The following GABRG1 variants were observed in gnomAD, a reference collection of about 807,000 sequenced individuals.
GABRG1 encodes the protein gamma-aminobutyric acid type A receptor subunit gamma1, also known as gamma-aminobutyric acid receptor subunit gamma-1.
Under a neutral mutation model 49.8 loss-of-function variants are expected in GABRG1, and 49 were observed. The observed-to-expected ratio is 0.98, with a 90% CI of 0.78 to 1.25. GABRG1 has a LOEUF of 1.25. Ranked by LOEUF, GABRG1 falls within the 50% of genes most tolerant of loss-of-function variation. The probability of loss-of-function intolerance (pLI) is 0.00; values close to 1 mark genes in which losing one functional copy is unlikely to be tolerated. For synonymous variants in GABRG1, 232 were observed against 185.1 expected, an observed-to-expected ratio of 1.25 and a Z score of -2.06; for missense variants, 552 against 552.3, an observed-to-expected ratio of 1.00 and a Z score of 0.01.
intron 2 of GABRG1, among the ~76,000 whole-genome samples, chr4:46,092,259 A>G (rs1720017088): frequency 6.6e-6 from 1 of 152,058 alleles, no homozygotes; most frequent in African/African-American, 2.4e-5. Context: ...ACACCTTAAA[A>G]CAATAATAAT....
intron 1 of GABRG1, among the ~76,000 whole-genome samples, chr4:46,100,165 C>T (rs1193671618): frequency 6.6e-6 from 1 of 151,668 alleles, no homozygotes; most frequent in Non-Finnish European, 1.5e-5. Context: ...TGATTTCCTT[C>T]AAATAATTTC....
At chr4:46,064,234 T>C (rs1005383522) in intron 5 of GABRG1, among the ~76,000 whole-genome samples, 4 of 152,104 alleles carry the variant, frequency 2.6e-5, no homozygotes, top group Non-Finnish European at 4.4e-5. Context: ...AATGTTTTAA[T>C]AAAATATATG....
intron 1 of GABRG1, among the ~76,000 whole-genome samples, chr4:46,117,405 C>G (rs1720931264): frequency 6.7e-6 from 1 of 149,930 alleles, no homozygotes; most frequent in Non-Finnish European, 1.5e-5. Context: ...AATTATATAG[C>G]CTTCAATAGG....
At chr4:46,118,276 ATC>A (rs1560377639) in intron 1 of GABRG1, among the ~76,000 whole-genome samples, 133 of 149,662 alleles carry the variant, frequency 8.9e-4, no homozygotes, top group African/African-American at 3.1e-3. Context: ...CTATCTATCT[ATC>A]TACCTACCTA....
intron 1 of GABRG1, among the ~76,000 whole-genome samples, chr4:46,116,921 C>A (rs1285157129): frequency 2.0e-5 from 3 of 150,504 alleles, no homozygotes; most frequent in Non-Finnish European, 4.5e-5. Flanking sequence ...AACAGGTATT[C>A]TTTACTCAAC....
chr4:46,039,068 T>G lies in GABRG1; in HGVS notation c.*1920A>C, dbSNP rs1207667877. The G allele has an allele frequency of 6.6e-6, 1 of 151,536 alleles. No individual in the cohort carries two copies. The highest frequency in any genetic ancestry group is 2.1e-4 in the South Asian group (1 of 4,832). 9.4% of individuals were successfully genotyped at this position (151,536 alleles called of 1,614,324 possible). On this transcript the variant is annotated 3_prime_UTR_variant, in exon 9 of 9. Coordinates refer to ENST00000295452, the MANE Select transcript of GABRG1 (RefSeq NM_173536.4). ...TAAGCTATAGCTTCAAACATGAAAA[T>G]AGCCATACAATATTTTAGTAAAGTA...
At chr4:46,085,370 C>T (rs1254975229) in intron 2 of GABRG1, among the ~76,000 whole-genome samples, 1 of 151,394 alleles carries the variant, frequency 6.6e-6, no homozygotes, top group African/African-American at 2.4e-5. Flanking sequence ...AGCAGAGATA[C>T]TGAAGTGTTT....
intron 4 of GABRG1, 28 bp downstream of exon 4, chr4:46,065,336 C>T (rs945197222): frequency 5.9e-6 from 8 of 1,364,740 alleles, no homozygotes; most frequent in Non-Finnish European, 7.2e-6. Context: ...TAAATGAGAG[C>T]AACTACAGAT....
At chr4:46,078,651 A>C (rs1216993200) in intron 3 of GABRG1, among the ~76,000 whole-genome samples, 1 of 151,960 alleles carries the variant, frequency 6.6e-6, no homozygotes, top group Non-Finnish European at 1.5e-5. Context: ...AGAATGCTTA[A>C]ATACAAGTTA....
In GABRG1 at chr4:46,088,767, C is replaced by CACA. The variant is rs1448380679; in HGVS notation, c.254-4715_254-4714insTGT. Among the ~76,000 whole-genome samples, 111 of 126,456 alleles carry CACA rather than the reference C, an allele frequency of 8.8e-4. 1 individual carries two copies. The highest frequency in any genetic ancestry group is 4.6e-4 in the Admixed American group (6 of 13,004). The allele number at this position is 126,456 out of a possible 152,430, so 83.0% of individuals were successfully genotyped here. The stretch of plus-strand genomic sequence containing the variant: ...CACACACACACACACACACACACAC[C>CACA]CCATATATCTATATTTAAATGGCAT... On this transcript the variant is annotated intron_variant, in intron 2 of 8. Coordinates refer to ENST00000295452, the MANE Select transcript of GABRG1 (RefSeq NM_173536.4).
intron 3 of GABRG1, among the ~76,000 whole-genome samples, chr4:46,077,548 A>G (rs923997268): frequency 6.6e-6 from 1 of 151,902 alleles, no homozygotes; most frequent in African/African-American, 2.4e-5. Flanking sequence ...TATTTTTATG[A>G]AGAACATCTT....
At chr4:46,084,164 A>T (rs2109423066) in intron 2 of GABRG1, 111 bp from the exon 3 acceptor site, 1 of 621,624 alleles carries the variant, frequency 1.6e-6, no homozygotes, top group Admixed American at 3.3e-5. Flanking sequence ...CACTTCAATC[A>T]TAAAACATCT....
chr4:46,048,456 G>A (rs1490742699), intron 8 of GABRG1, among the ~76,000 whole-genome samples: 2 of 146,988 alleles, frequency 1.4e-5, no homozygotes, highest in Non-Finnish European at 3.0e-5. Flanking sequence ...GCTGTTGGTG[G>A]TGGTATCTAT....
chr4:46,088,112 A>G (rs1369806135), intron 2 of GABRG1, among the ~76,000 whole-genome samples: 4 of 152,068 alleles, frequency 2.6e-5, no homozygotes, highest in Non-Finnish European at 5.9e-5. Flanking sequence ...TTAATGAACA[A>G]TGTTCACCAG....
chr4:46,115,613 G>A (rs1720860003), intron 1 of GABRG1, among the ~76,000 whole-genome samples: 1 of 150,680 alleles, frequency 6.6e-6, no homozygotes, highest in Admixed American at 6.6e-5. Context: ...GATTTTATTT[G>A]AGATGTGAAA....
intron 1 of GABRG1, among the ~76,000 whole-genome samples, chr4:46,117,407 T>C (rs62304383): frequency 0.028 from 4,168 of 150,334 alleles, 85 homozygotes; most frequent in Non-Finnish European, 0.044. Context: ...TTATATAGCC[T>C]TCAATAGGAT....
At chr4:46,115,965 A>AT (rs1720871840) in intron 1 of GABRG1, among the ~76,000 whole-genome samples, 1 of 150,836 alleles carries the variant, frequency 6.6e-6, no homozygotes, top group Non-Finnish European at 1.5e-5. Context: ...TATAAAACAG[A>AT]TTTTTTTCTT....
chr4:46,102,600 C>T (rs1425753926), intron 1 of GABRG1, among the ~76,000 whole-genome samples: 1 of 148,958 alleles, frequency 6.7e-6, no homozygotes, highest in African/African-American at 2.6e-5. Context: ...TTCTCAAAGA[C>T]TTCTTCACAC....
intron 2 of GABRG1, among the ~76,000 whole-genome samples, chr4:46,092,291 T>A (rs186738139): frequency 1.8e-4 from 28 of 152,094 alleles, no homozygotes; most frequent in African/African-American, 6.3e-4. Context: ...GTATTTCAGA[T>A]AAATATAGAA....
Sources: allele counts gnomAD v4.1 joint callset (sites outside exome capture counted in the v4.1 genomes callset), GRCh38; gene constraint gnomAD v4.1.1; transcripts MANE v1.5; gene names NCBI Gene and HGNC (gene_info 2026-07-23, HGNC 2026-07-21).